EPB41L3: variants seen among roughly 807,000 people sequenced by gnomAD.
The protein encoded by EPB41L3 is erythrocyte membrane protein band 4.1 like 3.
In EPB41L3, 57 loss-of-function variants were observed where a neutral mutation model predicts 127.1. That is an observed-to-expected ratio of 0.45 (90% CI 0.36 to 0.56). EPB41L3 has a LOEUF of 0.56. EPB41L3 is among the 20% of genes least tolerant of loss of function. The pLI, the probability that EPB41L3 is intolerant of heterozygous loss-of-function variation, is 0.00. For synonymous variants in EPB41L3, 572 were observed against 549.5 expected (o/e 1.04, Z -0.57); for missense variants, 1,273 against 1,372.2 (o/e 0.93, Z 1.14).
chr18:5,488,448 A>C (rs988377810), intron 2 of EPB41L3, among the ~76,000 whole-genome samples: 5 of 152,064 alleles, frequency 3.3e-5, no homozygotes, highest in African/African-American at 1.2e-4. Flanking sequence ...TAGCATTAGG[A>C]GAAATACCTA....
chr18:5,589,261 T>A (rs962715225), intron 3 of EPB41L3, among the ~76,000 whole-genome samples: 2 of 152,150 alleles, frequency 1.3e-5, no homozygotes, highest in Non-Finnish European at 2.9e-5. Context: ...CATATCAGAC[T>A]TCTTTCTCTG....
chr18:5,606,025 G>A (rs1247868491), intron 3 of EPB41L3, among the ~76,000 whole-genome samples: 2 of 152,166 alleles, frequency 1.3e-5, no homozygotes, highest in Non-Finnish European at 2.9e-5. Flanking sequence ...GTGACAAGCA[G>A]GGGATGAAAG....
Position 5,425,230 on chromosome 18 carries a change from A to G in EPB41L3, c.1066-871T>C, listed in dbSNP as rs144544277. Among the ~76,000 whole-genome samples, 926 of 152,310 alleles carry G rather than the reference A, an allele frequency of 6.1e-3. 17 individuals are homozygous for G. The highest frequency in any genetic ancestry group is 0.021 in the African/African-American group (863 of 41,566). ...AGAACCGAGGTGAGGGGTCATATGC[A>G]TGGCATGTGAGATACAATCATGTTT... On this transcript the variant is annotated intron_variant, in intron 9 of 22. Transcript: ENST00000341928.
chr18:5,533,472 G>A (rs915804317), intron 1 of EPB41L3, among the ~76,000 whole-genome samples: 4 of 152,152 alleles, frequency 2.6e-5, no homozygotes, highest in South Asian at 2.1e-4. Context: ...TGATATGAAT[G>A]TCACTAAACA....
chr18:5,420,441 G>T (rs1467174073), intron 11 of EPB41L3, among the ~76,000 whole-genome samples: 1 of 152,066 alleles, frequency 6.6e-6, no homozygotes, highest in South Asian at 2.1e-4. Context: ...AGCTCCATGG[G>T]TAATAACAAA....
chr18:5,501,408 G>T (rs1304320984), intron 1 of EPB41L3, among the ~76,000 whole-genome samples: 2 of 152,118 alleles, frequency 1.3e-5, no homozygotes, highest in East Asian at 3.9e-4. Flanking sequence ...AAAGCCCCTT[G>T]GCTGTTTTAT....
At chr18:5,573,337 C>A (rs573864693) in intron 3 of EPB41L3, among the ~76,000 whole-genome samples, 2 of 152,202 alleles carry the variant, frequency 1.3e-5, no homozygotes, top group South Asian at 2.1e-4. Flanking sequence ...CATTAGAAAA[C>A]AAAACACATG....
intron 1 of EPB41L3, among the ~76,000 whole-genome samples, chr18:5,504,951 G>A (rs997453205): frequency 4.6e-5 from 7 of 152,018 alleles, no homozygotes; most frequent in African/African-American, 1.7e-4. Context: ...GAAGCCCCCA[G>A]TCCACCCATT....
chr18:5,506,337 A>G (rs929010178), intron 1 of EPB41L3, among the ~76,000 whole-genome samples: 1 of 152,100 alleles, frequency 6.6e-6, no homozygotes, highest in Non-Finnish European at 1.5e-5. Context: ...GCGCTACTCC[A>G]ACGCCCTCAT....
rs557545637 is a variant in EPB41L3 at position 5,618,178 on chromosome 18, T to C, written c.-467-3755A>G. 5.3e-5 allele frequency among the ~76,000 whole-genome samples: 8 copies of C among 152,346 alleles called. No homozygotes were observed. In the East Asian group the frequency reaches 1.5e-3, roughly 29 times the overall value. On this transcript the variant is annotated intron_variant, in intron 1 of 21. Transcript: ENST00000545076. ...ACTCAGCTGTAAAATGGGGAAGGCC[T>C]ATATTCAGAAAGTAGGTCTCTGCCT...
At chr18:5,527,447 C>T (rs543940918) in intron 1 of EPB41L3, among the ~76,000 whole-genome samples, 8 of 150,282 alleles carry the variant, frequency 5.3e-5, no homozygotes, top group African/African-American at 1.9e-4. Flanking sequence ...GATTTTTTCA[C>T]ATTATATTTT....
intron 3 of EPB41L3, among the ~76,000 whole-genome samples, chr18:5,564,364 A>G (rs540583927): frequency 1.3e-5 from 2 of 152,308 alleles, no homozygotes; most frequent in South Asian, 4.1e-4. Flanking sequence ...GTTAGAGACG[A>G]GGAAATAGGA....
chr18:5,513,865 T>C (rs2092645895), intron 1 of EPB41L3, among the ~76,000 whole-genome samples: 1 of 152,230 alleles, frequency 6.6e-6, no homozygotes, highest in Admixed American at 6.5e-5. Flanking sequence ...ATAGTCATTA[T>C]GGCTCATCCA....
intron 3 of EPB41L3, among the ~76,000 whole-genome samples, chr18:5,605,431 T>C (rs919821756): frequency 1.3e-5 from 2 of 152,056 alleles, no homozygotes; most frequent in African/African-American, 4.8e-5. Flanking sequence ...CAGGCTGGAG[T>C]GCAGTGGTGC....
intron 3 of EPB41L3, among the ~76,000 whole-genome samples, chr18:5,565,753 A>T (rs1202765884): frequency 6.6e-6 from 1 of 151,858 alleles, no homozygotes; most frequent in African/African-American, 2.4e-5. Context: ...TTTGCTGAGA[A>T]TCTGAGAATA....
chr18:5,486,023 G>A (rs1366475240), intron 2 of EPB41L3, among the ~76,000 whole-genome samples: 4 of 151,982 alleles, frequency 2.6e-5, no homozygotes, highest in African/African-American at 4.8e-5. Flanking sequence ...AAAAGACCCC[G>A]AATAGCCAAA....
intron 1 of EPB41L3, among the ~76,000 whole-genome samples, chr18:5,502,541 TAAGTA>T (rs2091835435): frequency 6.6e-6 from 1 of 152,190 alleles, no homozygotes; most frequent in African/African-American, 2.4e-5. Flanking sequence ...TATATGTGGT[TAAGTA>T]AAGAAGCCAC....
intron 1 of EPB41L3, among the ~76,000 whole-genome samples, chr18:5,628,069 G>GT (rs1366385855): frequency 1.3e-5 from 2 of 152,196 alleles, no homozygotes; most frequent in Non-Finnish European, 2.9e-5. Context: ...TAGATTATGT[G>GT]TAACGATATG....
chr18:5,604,879 C>T (rs1229337488), intron 3 of EPB41L3, among the ~76,000 whole-genome samples: 4 of 152,156 alleles, frequency 2.6e-5, no homozygotes, highest in Admixed American at 6.6e-5. Context: ...AAAAAAGTTA[C>T]GCCCATATGG....
Sources: allele counts gnomAD v4.1 joint callset (sites outside exome capture counted in the v4.1 genomes callset), GRCh38; gene constraint gnomAD v4.1.1; transcripts MANE v1.5; gene names NCBI Gene and HGNC (gene_info 2026-07-23, HGNC 2026-07-21).